Variants in ANK2 observed in about 807,000 individuals in gnomAD.
The protein encoded by ANK2 is ankyrin 2, also known as ankyrin-2.
Under a neutral mutation model 360.5 loss-of-function variants are expected in ANK2, and 83 were observed. That is an observed-to-expected ratio of 0.23 (90% CI 0.19 to 0.28). The LOEUF is 0.28. Ranked by LOEUF, ANK2 falls within the 10% of genes least tolerant of loss-of-function variation. The pLI, the probability that ANK2 is intolerant of heterozygous loss-of-function variation, is 1.00. For synonymous variants in ANK2, 1,740 were observed against 1,759.5 expected (o/e 0.99, Z 0.28); for missense variants, 4,201 against 4,795.7 (o/e 0.88, Z 3.66).
At chr4:112,797,334 A>T in the ANK2 span, 1 of 152,254 alleles carries the variant, frequency 6.6e-6, no homozygotes, top group Admixed American at 6.5e-5. Flanking sequence ...CTAAGCAGTA[A>T]ATAGGACATT....
At chr4:113,145,063 C>T (rs978881092) in intron 1 of ANK2, among the ~76,000 whole-genome samples, 1 of 151,952 alleles carries the variant, frequency 6.6e-6, no homozygotes, top group Non-Finnish European at 1.5e-5. Flanking sequence ...CTGGGGAAAA[C>T]ATTTTCAAAA....
the ANK2 span, among the ~76,000 whole-genome samples, chr4:112,760,724 C>T: frequency 2.6e-5 from 4 of 151,736 alleles, no homozygotes; most frequent in African/African-American, 9.7e-5. Context: ...GGGCTCTTTC[C>T]TGGAGACTTA....
chr4:112,736,422 T>TC, the ANK2 span, among the ~76,000 whole-genome samples: 42 of 145,222 alleles, frequency 2.9e-4, no homozygotes, highest in African/African-American at 1.1e-3. Context: ...CTGAGATTGC[T>TC]CCACCGCACT....
rs979939287 is a variant in ANK2, at chr4:113,278,551, C to A, written c.1874C>A (p.Thr625Asn). Reference sequence around the variant, plus strand: ...GAGAAGGGTGCTTCCCCTCATGCCACTGCCAAGGTGAGGACCACAGAAAAG... The same window carrying A: ...GAGAAGGGTGCTTCCCCTCATGCCAATGCCAAGGTGAGGACCACAGAAAAG... ...LLEKGASPHA[T>N]AKNGYTPLHI... Residue 625 changes from threonine to asparagine, a missense_variant, in exon 17 of 46, where the codon ACT (threonine) becomes AAT (asparagine). Physicochemically the swap from Thr to Asn is moderately conservative, Grantham distance 65 (BLOSUM62 0). Coordinates refer to ENST00000357077, the MANE Select transcript of ANK2 (RefSeq NM_001148.6). The A allele has an allele frequency of 1.9e-5, 30 of 1,613,786 alleles. No individual in the cohort carries two copies. Among genetic ancestry groups the A allele is most frequent in the Non-Finnish European group, 2.5e-5 (29 of 1,179,858 alleles).
intron 1 of ANK2, among the ~76,000 whole-genome samples, chr4:113,096,375 C>T (rs140923192): frequency 4.5e-4 from 69 of 152,260 alleles, no homozygotes; most frequent in Admixed American, 1.4e-3. Context: ...TAAATCCAGA[C>T]GTTGGTAACC....
intron 1 of ANK2, among the ~76,000 whole-genome samples, chr4:113,056,631 A>C (rs1307423651): frequency 6.6e-6 from 1 of 152,148 alleles, no homozygotes; most frequent in Non-Finnish European, 1.5e-5. Flanking sequence ...ATTGCTACCC[A>C]GGGAGACAAT....
At chr4:112,760,200 T>C in the ANK2 span, among the ~76,000 whole-genome samples, 1 of 151,752 alleles carries the variant, frequency 6.6e-6, no homozygotes, top group African/African-American at 2.4e-5. Context: ...TTTTTTTTTT[T>C]TTTTGAGACG....
chr4:113,270,320 A>G (rs1375706562), intron 14 of ANK2, among the ~76,000 whole-genome samples: 1 of 152,124 alleles, frequency 6.6e-6, no homozygotes, highest in Non-Finnish European at 1.5e-5. Flanking sequence ...ATTTTTCTGT[A>G]TTGATATAAC....
intron 2 of ANK2, among the ~76,000 whole-genome samples, chr4:113,010,681 T>C (rs2054426215): frequency 1.3e-5 from 2 of 152,082 alleles, no homozygotes; most frequent in Non-Finnish European, 2.9e-5. Context: ...TCTTTAGACA[T>C]GGTAGATGGG....
chr4:113,085,648 G>A (rs1046000136), intron 1 of ANK2, among the ~76,000 whole-genome samples: 7 of 152,078 alleles, frequency 4.6e-5, no homozygotes, highest in East Asian at 1.9e-4. Context: ...GTCAAAACAT[G>A]TTAAGCAAGA....
At chr4:113,380,207 A>G (rs1475014598) in intron 45 of ANK2, among the ~76,000 whole-genome samples, 1 of 152,064 alleles carries the variant, frequency 6.6e-6, no homozygotes, top group Non-Finnish European at 1.5e-5. Flanking sequence ...TGGAGTAGCC[A>G]TTTTTTATTC....
At chr4:112,812,845 T>C in the ANK2 span, among the ~76,000 whole-genome samples, 1 of 152,204 alleles carries the variant, frequency 6.6e-6, no homozygotes, top group Non-Finnish European at 1.5e-5. Flanking sequence ...TAAGACAATG[T>C]GCTAAGCTCA....
chr4:113,083,134 G>T (rs1486810580), intron 1 of ANK2, among the ~76,000 whole-genome samples: 1 of 151,918 alleles, frequency 6.6e-6, no homozygotes, highest in Non-Finnish European at 1.5e-5. Flanking sequence ...TGCACAATGT[G>T]CAGGTTAGTT....
At chr4:113,312,092 C>T (rs1169456985) in intron 24 of ANK2, among the ~76,000 whole-genome samples, 3 of 151,864 alleles carry the variant, frequency 2.0e-5, no homozygotes, top group Non-Finnish European at 4.4e-5. Context: ...TAATGACATT[C>T]TGTGGTTCCT....
intron 1 of ANK2, among the ~76,000 whole-genome samples, chr4:112,885,574 A>G (rs1184232802): frequency 1.3e-5 from 2 of 151,824 alleles, no homozygotes; most frequent in African/African-American, 4.8e-5. Context: ...AGGTGGGCAG[A>G]TCACGAGGTC....
chr4:113,276,778 C>T (rs934771468), intron 15 of ANK2, among the ~76,000 whole-genome samples: 2 of 152,006 alleles, frequency 1.3e-5, no homozygotes, highest in African/African-American at 2.4e-5. Flanking sequence ...CTGGAGACAC[C>T]GAAAGGGCAA....
chr4:113,220,141 C>G (rs362473), intron 4 of ANK2, among the ~76,000 whole-genome samples: 4,250 of 152,256 alleles, frequency 0.028, 98 homozygotes, highest in East Asian at 0.067. Flanking sequence ...CTTGTTCAGA[C>G]TCAAAAGAAG....
At chr4:112,731,180 A>T in the ANK2 span, among the ~76,000 whole-genome samples, 3 of 151,444 alleles carry the variant, frequency 2.0e-5, no homozygotes, top group Non-Finnish European at 4.4e-5. Context: ...AGTCCCAGCT[A>T]CTTGGGAGAC....
intron 1 of ANK2, among the ~76,000 whole-genome samples, chr4:113,144,377 A>C (rs2096751388): frequency 6.6e-6 from 1 of 152,190 alleles, no homozygotes; most frequent in Admixed American, 6.6e-5. Flanking sequence ...TGTGAACTCA[A>C]ATCTGAGAAA....
Sources: allele counts gnomAD v4.1 joint callset (sites outside exome capture counted in the v4.1 genomes callset), GRCh38; gene constraint gnomAD v4.1.1; transcripts MANE v1.5; gene names NCBI Gene and HGNC (gene_info 2026-07-23, HGNC 2026-07-21).